The following OR2T1 variants were observed in gnomAD, a reference collection of about 807,000 sequenced individuals.
OR2T1 encodes olfactory receptor 2T1.
For missense variants in OR2T1, 440 were observed against 390.2 expected, an observed-to-expected ratio of 1.13 and a Z score of -1.07; for synonymous variants, 186 against 145.4, an observed-to-expected ratio of 1.28 and a Z score of -2.01.
Position 248,406,427 on chromosome 1 carries a change from G to T in OR2T1, c.280G>T (p.Val94Leu), listed in dbSNP as rs1661558351. The change falls in exon 2 of 2, where the codon GTG becomes TTG. Residue 94 changes from valine (V) to leucine (L), a missense_variant. Val to Leu is a conservative substitution (Grantham distance 32). Transcript: ENST00000642005. ...GCTGGATCAAAGGACCATTTCCTTT[G>T]TGGGGTGCACAGCTCAACACTTCCT... ...YLLDQRTISF[V>L]GCTAQHFLYL... 1 of 1,614,086 alleles carries T rather than the reference G, an allele frequency of 6.2e-7. No homozygotes were observed. The highest frequency in any genetic ancestry group is 8.5e-7 in the Non-Finnish European group (1 of 1,179,992).
In OR2T1 at chr1:248,407,300, T is replaced by C; in HGVS notation, c.*196T>C. ...GGCCTCAGAAAACTGAATCTCTCTC[T>C]GTGATCTTCGCCTTCCCTCTTTTCA... On this transcript the variant is annotated 3_prime_UTR_variant, in exon 2 of 2. Coordinates refer to ENST00000642005, the MANE Select transcript of OR2T1 (RefSeq NM_030904.2). 2.2e-6 allele frequency: 1 copy of C among 463,958 alleles called. No individual in the cohort carries two copies. Among genetic ancestry groups the C allele is most frequent in the South Asian group, 6.1e-5 (1 of 16,276 alleles). The allele number at this position is 463,958 out of a possible 1,614,324, so 28.7% of individuals were successfully genotyped here. A position where few individuals can be genotyped will look rare whatever the true frequency, so the allele number is the denominator to read the frequency against.
Position 248,406,525 on chromosome 1 carries a change from C to T in OR2T1, c.378C>T (p.Cys126=). The T allele has an allele frequency of 1.2e-6, 2 of 1,614,160 alleles. No individual in the cohort carries two copies. Among genetic ancestry groups the T allele is most frequent in the East Asian group, 2.2e-5 (1 of 44,886 alleles). ...CCTATGACCGCTATGTGGCCATTTG[C>T]AACCCTCTGAGATACCCTGTCCTCA... The part of the protein sequence containing the change: ...LMAYDRYVAI[C]NPLRYPVLMS... The change falls in exon 2 of 2, where the codon TGC becomes TGT. Residue 126 remains cysteine, a synonymous_variant. Coordinates refer to ENST00000642005, the MANE Select transcript of OR2T1 (RefSeq NM_030904.2).
At position 248,406,518 on chromosome 1, in the gene OR2T1, C is replaced by T. The variant is rs761236839; in HGVS notation, c.371C>T (p.Ala124Val). The change falls in exon 2 of 2, where the codon GCC becomes GTC. Residue 124 changes from alanine (A) to valine (V), a missense_variant. Ala to Val is a moderately conservative substitution (Grantham distance 64). Coordinates refer to ENST00000642005, the MANE Select transcript of OR2T1 (RefSeq NM_030904.2). ...CTCATGGCCTATGACCGCTATGTGG[C>T]CATTTGCAACCCTCTGAGATACCCT... ...LGLMAYDRYV[A>V]ICNPLRYPVL... 46 of 1,614,102 alleles carry T rather than the reference C, an allele frequency of 2.8e-5. 2 individuals are homozygous for T. In the South Asian group the frequency reaches 4.8e-4, roughly 17 times the overall value.
chr1:248,403,986 T>A (rs921285512), intron 1 of OR2T1, among the ~76,000 whole-genome samples: 2 of 145,280 alleles, frequency 1.4e-5, no homozygotes, highest in Non-Finnish European at 3.0e-5. Context: ...GAGGAAATTA[T>A]GAATGTATAT....
In OR2T1 at chr1:248,406,591, G is replaced by A. The variant is rs143395695; in HGVS notation, c.444G>A (p.Trp148Ter). Residue 148 changes from tryptophan to a stop codon, truncating the protein, a stop_gained, in exon 2 of 2, where the codon TGG becomes TGA. Coordinates refer to ENST00000642005, the MANE Select transcript of OR2T1 (RefSeq NM_030904.2). LOFTEE classifies it low-confidence loss of function (END_TRUNC). ...GTTGGATGATTATAGCAGGTTCCTGGTTTGGGGGCTCTTTGGATGGCTTCC... is the reference window on the plus strand; with the variant it reads ...GTTGGATGATTATAGCAGGTTCCTGATTTGGGGGCTCTTTGGATGGCTTCC... Reference protein sequence around the residue: ...RVCWMIIAGSWFGGSLDGFLL... With the variant: ...RVCWMIIAGS 1,295 of 1,614,104 alleles carry A rather than the reference G, an allele frequency of 8.0e-4. 10 individuals carry two copies. In the African/African-American group the frequency reaches 0.015, roughly 19 times the overall value.
rs974761450 is a variant in OR2T1 at position 248,407,775 on chromosome 1, C to G, written c.*671C>G. 1.3e-5 allele frequency: 2 copies of G among 152,260 alleles called. No homozygotes were observed. 9.4% of individuals were successfully genotyped at this position (152,260 alleles called of 1,614,324 possible). A position where few individuals can be genotyped will look rare whatever the true frequency, so the allele number is the denominator to read the frequency against. ...CCACAGAGGCAGAAGCTCTTATGCT[C>G]TTCCAGACCTCACCCTCTGTGTCTT... is the stretch of plus-strand genomic sequence containing the variant. On this transcript the variant is annotated 3_prime_UTR_variant, in exon 2 of 2. Coordinates refer to ENST00000642005, the MANE Select transcript of OR2T1 (RefSeq NM_030904.2).
In OR2T1 at chr1:248,406,357, G is replaced by T. The variant is rs755443026; in HGVS notation, c.210G>T (p.Met70Ile). The change falls in exon 2 of 2, where the codon ATG becomes ATT. Residue 70 changes from methionine (M) to isoleucine (I), a missense_variant. Coordinates refer to ENST00000642005, the MANE Select transcript of OR2T1 (RefSeq NM_030904.2). ...TCAGCCACCTTTCCTTAATTGACATGATGTATATTTCCACTATTGTGCCTA... is the reference window on the plus strand; with the variant it reads ...TCAGCCACCTTTCCTTAATTGACATTATGTATATTTCCACTATTGTGCCTA... ...FLLSHLSLID[M>I]MYISTIVPKM... 2 of 1,614,124 alleles carry T rather than the reference G, an allele frequency of 1.2e-6. No homozygotes were observed. The highest frequency in any genetic ancestry group is 1.7e-6 in the Non-Finnish European group (2 of 1,180,018).
At position 248,406,965 on chromosome 1, in the gene OR2T1, T is replaced by C; in HGVS notation, c.818T>C (p.Leu273Pro). 1 of 1,614,140 alleles carries C rather than the reference T, an allele frequency of 6.2e-7. No individual in the cohort carries two copies. Among genetic ancestry groups the C allele is most frequent in the Non-Finnish European group, 8.5e-7 (1 of 1,179,986 alleles). ...CACAAGCCAGCCCAGGACAAAGTCC[T>C]CTCTGTGTTTTACACCATTCTCACA... The part of the protein sequence containing the change: ...SYHKPAQDKV[L>P]SVFYTILTPM... Residue 273 changes from leucine (L) to proline (P), a missense_variant, in exon 2 of 2, where the codon CTC becomes CCC. By Grantham distance (98) the Leu-to-Pro change is moderately conservative. Coordinates refer to ENST00000642005, the MANE Select transcript of OR2T1 (RefSeq NM_030904.2).
At chr1:248,404,304 C>T (rs537853562) in intron 1 of OR2T1, among the ~76,000 whole-genome samples, 3 of 1,142 alleles carry the variant, frequency 2.6e-3, no homozygotes, top group African/African-American at 8.9e-3. Flanking sequence ...GGTGTCTTAT[C>T]GCATGATAAA....
chr1:248,405,363 G>A (rs1330807767), intron 1 of OR2T1, among the ~76,000 whole-genome samples: 1 of 152,152 alleles, frequency 6.6e-6, no homozygotes, highest in Non-Finnish European at 1.5e-5. Context: ...TTACGTCCCT[G>A]TGGTATTTCC....
rs555717971 is a variant in OR2T1 at position 248,407,975 on chromosome 1, C to A, written c.*871C>A. 6.6e-6 allele frequency: 1 copy of A among 152,420 alleles called. No homozygotes were observed. Among genetic ancestry groups the A allele is most frequent in the South Asian group, 2.1e-4 (1 of 4,834 alleles). 9.4% of individuals were successfully genotyped at this position (152,420 alleles called of 1,614,324 possible). A position where few individuals can be genotyped will look rare whatever the true frequency, so the allele number is the denominator to read the frequency against. ...GTCAAAAGTACAGGACAACTTGGGG[C>A]TTTTAATTGGCACTGGAAATGGAAG... is the stretch of plus-strand genomic sequence containing the variant. On this transcript the variant is annotated 3_prime_UTR_variant, in exon 2 of 2. Transcript: ENST00000642005.
intron 1 of OR2T1, among the ~76,000 whole-genome samples, chr1:248,405,420 A>G (rs1661534742): frequency 1.3e-5 from 2 of 152,216 alleles, no homozygotes; most frequent in African/African-American, 2.4e-5. Context: ...CATGCTAATC[A>G]TAATCCTAAT....
Position 248,407,266 on chromosome 1 carries a change from G to T in OR2T1, c.*162G>T, listed in dbSNP as rs6695885. 1.1e-5 allele frequency: 6 copies of T among 538,216 alleles called. No individual in the cohort carries two copies. The highest frequency in any genetic ancestry group is 3.9e-5 in the African/African-American group (2 of 51,330). The allele number at this position is 538,216 out of a possible 1,614,324, so 33.3% of individuals were successfully genotyped here. A position where few individuals can be genotyped will look rare whatever the true frequency, so the allele number is the denominator to read the frequency against. On this transcript the variant is annotated 3_prime_UTR_variant, in exon 2 of 2. Transcript: ENST00000642005. ...CATAACTCCATAGTTATGATGTTGT[G>T]GTTTTTTAGGCCTCAGAAAACTGAA...
At position 248,406,952 on chromosome 1, in the gene OR2T1, C is replaced by A; in HGVS notation, c.805C>A (p.Gln269Lys). Residue 269 changes from glutamine to lysine, a missense_variant, in exon 2 of 2, where the codon CAG becomes AAG. Gln to Lys is a moderately conservative substitution (Grantham distance 53). Coordinates refer to ENST00000642005, the MANE Select transcript of OR2T1 (RefSeq NM_030904.2). Reference protein sequence around the residue: ...MLPHSYHKPAQDKVLSVFYTI... With the variant: ...MLPHSYHKPAKDKVLSVFYTI... ...GCCACATTCTTACCACAAGCCAGCC[C>A]AGGACAAAGTCCTCTCTGTGTTTTA... 1 of 1,614,140 alleles carries A rather than the reference C, an allele frequency of 6.2e-7. No individual in the cohort carries two copies. The highest frequency in any genetic ancestry group is 8.5e-7 in the Non-Finnish European group (1 of 1,179,992).
chr1:248,404,334 GAA>G (rs1165169667), intron 1 of OR2T1, among the ~76,000 whole-genome samples: 1 of 21,074 alleles, frequency 4.7e-5, no homozygotes, highest in Non-Finnish European at 1.2e-4. Context: ...GAAAATGTAG[GAA>G]GTGTGGAAGT....
Position 248,407,795 on chromosome 1 carries a change from T to A in OR2T1, c.*691T>A, listed in dbSNP as rs1184550309. 2.0e-5 allele frequency: 3 copies of A among 152,260 alleles called. No individual in the cohort carries two copies. Among genetic ancestry groups the A allele is most frequent in the Non-Finnish European group, 4.4e-5 (3 of 68,052 alleles). The allele number at this position is 152,260 out of a possible 1,614,324, so 9.4% of individuals were successfully genotyped here. A position where few individuals can be genotyped will look rare whatever the true frequency, so the allele number is the denominator to read the frequency against. ...ATGCTCTTCCAGACCTCACCCTCTG[T>A]GTCTTTTCATCTGACTGTTTCTGTG... is the stretch of plus-strand genomic sequence containing the variant. On this transcript the variant is annotated 3_prime_UTR_variant, in exon 2 of 2. Coordinates refer to ENST00000642005, the MANE Select transcript of OR2T1 (RefSeq NM_030904.2).
Position 248,406,768 on chromosome 1 carries a change from G to T in OR2T1, c.621G>T (p.Leu207=), listed in dbSNP as rs765263333. Residue 207 remains leucine (L), a synonymous_variant, in exon 2 of 2, where the codon CTG becomes CTT. Coordinates refer to ENST00000642005, the MANE Select transcript of OR2T1 (RefSeq NM_030904.2). ...VMYVCCVLML[L]IPFSVVLASY... Reference sequence around the variant, plus strand: ...ATGTGTGCTGTGTTTTGATGCTGCTGATTCCTTTCTCTGTAGTCCTTGCTT... The same window carrying T: ...ATGTGTGCTGTGTTTTGATGCTGCTTATTCCTTTCTCTGTAGTCCTTGCTT... 6.2e-7 allele frequency: 1 copy of T among 1,614,202 alleles called. No homozygotes were observed.
rs1404179238 is a variant in OR2T1, at chr1:248,403,178, G to A, written c.-101G>A. The A allele has an allele frequency of 2.0e-5, 3 of 152,096 alleles. No homozygotes were observed. The highest frequency in any genetic ancestry group is 2.0e-4 in the Admixed American group (3 of 15,254). 9.4% of individuals were successfully genotyped at this position (152,096 alleles called of 1,614,324 possible). On this transcript the variant is annotated 5_prime_UTR_variant, in exon 1 of 2. Coordinates refer to ENST00000642005, the MANE Select transcript of OR2T1 (RefSeq NM_030904.2). Reference sequence around the variant, plus strand: ...CAAAGGATACTTGGGGGAAAAGATAGACTTTAACTGCTGATGTAACTTCAC... The same window carrying A: ...CAAAGGATACTTGGGGGAAAAGATAAACTTTAACTGCTGATGTAACTTCAC...
rs1661568102 is a variant in OR2T1 at position 248,406,705 on chromosome 1, G to C, written c.558G>C (p.Leu186Phe). ...GTGAGGCACCAGCAGTCCTGAAGTT[G>C]GCATGTGCAGACACAGCCCTCTACG... ...FFCEAPAVLK[L>F]ACADTALYET... The change falls in exon 2 of 2, where the codon TTG becomes TTC. Residue 186 changes from leucine (L) to phenylalanine (F), a missense_variant. Physicochemically the swap from Leu to Phe is conservative, Grantham distance 22. Transcript: ENST00000642005. 6.2e-7 allele frequency: 1 copy of C among 1,614,028 alleles called. No homozygotes were observed. The highest frequency in any genetic ancestry group is 8.5e-7 in the Non-Finnish European group (1 of 1,180,018).
Sources: gnomAD v4.1 joint callset for allele counts (sites outside exome capture counted in the v4.1 genomes callset) on GRCh38, gnomAD v4.1.1 for gene constraint, MANE v1.5 for transcripts, NCBI Gene and HGNC (gene_info 2026-07-23, HGNC 2026-07-21) for gene names.